The following NPEPL1 variants were observed in gnomAD, a reference collection of about 807,000 sequenced individuals.
NPEPL1 encodes the protein aminopeptidase like 1.
In NPEPL1, 45 loss-of-function variants were observed where a neutral mutation model predicts 52.4. The observed-to-expected ratio is 0.86, with a 90% CI of 0.68 to 1.10. NPEPL1 has a LOEUF of 1.10. Ranked by LOEUF, NPEPL1 falls within the 50% of genes least tolerant of loss-of-function variation. NPEPL1 has a pLI of 0.00. For synonymous variants in NPEPL1, 360 were observed against 314.7 expected (o/e 1.14, Z -1.52); for missense variants, 696 against 710.9 (o/e 0.98, Z 0.24).
chr20:58,712,327 C>T (rs989761567), intron 7 of NPEPL1, among the ~76,000 whole-genome samples, 152 bp from the exon 8 acceptor site: 4 of 152,144 alleles, frequency 2.6e-5, no homozygotes, highest in African/African-American at 4.8e-5. Flanking sequence ...GGACTGTACC[C>T]GGGATGGCAG....
At chr20:58,697,921 C>G (rs1311309176) in intron 3 of NPEPL1, among the ~76,000 whole-genome samples, 2 of 152,248 alleles carry the variant, frequency 1.3e-5, no homozygotes, top group African/African-American at 4.8e-5. Context: ...GCTCTGAAGC[C>G]CTGCCAGGCC....
At chr20:58,704,028 A>C (rs928113286) in intron 6 of NPEPL1, 10 of 985,374 alleles carry the variant, frequency 1.0e-5, no homozygotes, top group Non-Finnish European at 1.2e-5. Context: ...GAACCGTTCT[A>C]CGTGGATTTG....
At chr20:58,698,543 C>T (rs977251781) in intron 3 of NPEPL1, 141 bp from the exon 4 acceptor site, 2 of 731,064 alleles carry the variant, frequency 2.7e-6, no homozygotes, top group Non-Finnish European at 2.4e-6. Flanking sequence ...GAGCCATGGT[C>T]CCCCTCTCCC....
intron 3 of NPEPL1, among the ~76,000 whole-genome samples, chr20:58,695,067 AGTG>A (rs1455993818): frequency 8.4e-6 from 1 of 119,058 alleles, no homozygotes; most frequent in Non-Finnish European, 1.8e-5. Context: ...TGTGTGCATG[AGTG>A]GTGTGTGTGG....
chr20:58,707,501 T>A (rs931196328), intron 7 of NPEPL1, among the ~76,000 whole-genome samples: 1 of 152,224 alleles, frequency 6.6e-6, no homozygotes, highest in Non-Finnish European at 1.5e-5. Flanking sequence ...TAGACCCTCA[T>A]GGCATGTGGC....
At chr20:58,693,690 G>C (rs751539374) in intron 1 of NPEPL1, 47 bp from the exon 2 acceptor site, 2 of 1,540,380 alleles carry the variant, frequency 1.3e-6, no homozygotes, top group East Asian at 4.6e-5. Context: ...CCTGGCACGT[G>C]GCCGCTGTTT....
Position 58,698,496 on chromosome 20 carries a change from G to A in NPEPL1, c.508-188G>A, listed in dbSNP as rs145544851. Among the ~76,000 whole-genome samples, 5 of 152,236 alleles carry A rather than the reference G, an allele frequency of 3.3e-5. No homozygotes were observed. In the East Asian group the frequency reaches 7.8e-4, roughly 24 times the overall value. ...CTGAAGGTTCTTTCTACAGGTGGCC[G>A]GTGGCCCTGGGTTGCTGGGGGTGGG... On this transcript the variant is annotated intron_variant, in intron 3 of 11. Coordinates refer to ENST00000356091, the MANE Select transcript of NPEPL1 (RefSeq NM_024663.4).
At chr20:58,697,951 G>T (rs1415627456) in intron 3 of NPEPL1, among the ~76,000 whole-genome samples, 1 of 152,242 alleles carries the variant, frequency 6.6e-6, no homozygotes, top group Non-Finnish European at 1.5e-5. Flanking sequence ...CATGTTTTCA[G>T]TTCCTGGGTG....
intron 7 of NPEPL1, among the ~76,000 whole-genome samples, chr20:58,709,678 C>T (rs2084798537): frequency 6.6e-6 from 1 of 152,230 alleles, no homozygotes; most frequent in Non-Finnish European, 1.5e-5. Flanking sequence ...GACATGCCTC[C>T]AGAGGCAGTG....
At position 58,715,502 on chromosome 20, in the gene NPEPL1, G is replaced by A. The variant is rs551287764; in HGVS notation, c.*176G>A. On this transcript the variant is annotated 3_prime_UTR_variant, in exon 12 of 12. Transcript: ENST00000356091. The stretch of plus-strand genomic sequence containing the variant: ...CAGCTTAGGGTTTGGTGCGGGCCAC[G>A]GGGAGGGGACCGGGAAGCGCTGGGG... 94 of 633,342 alleles carry A rather than the reference G, an allele frequency of 1.5e-4. 1 individual carries two copies. The South Asian group carries it at 1.8e-3, about 12-fold the overall frequency. The allele number at this position is 633,342 out of a possible 1,614,324, so 39.2% of individuals were successfully genotyped here.
In NPEPL1 at chr20:58,714,186, TG is replaced by T. The variant is rs890632827; in HGVS notation, c.1302+97del. 1.3e-5 allele frequency: 19 copies of T among 1,429,224 alleles called. No homozygotes were observed. In the African/African-American group the frequency reaches 2.2e-4, roughly 17 times the overall value. 88.5% of individuals were successfully genotyped at this position (1,429,224 alleles called of 1,614,324 possible). On this transcript the variant is annotated intron_variant, in intron 10 of 11. Coordinates refer to ENST00000356091, the MANE Select transcript of NPEPL1 (RefSeq NM_024663.4). ...CAGGGTGCTGGTGCACCCAGGGAGC[TG>T]GGGCCCCCCAGAAGCAGCCACAGTG...
chr20:58,715,702 C>T lies in NPEPL1; in HGVS notation c.*376C>T. On this transcript the variant is annotated 3_prime_UTR_variant, in exon 12 of 12. Transcript: ENST00000356091. ...CAGGCTCTTACTCCAGCCGGGGCTGCCAGCGCATCCAGCCAGCCCAGCCCT... is the reference window on the plus strand; with the variant it reads ...CAGGCTCTTACTCCAGCCGGGGCTGTCAGCGCATCCAGCCAGCCCAGCCCT... The T allele has an allele frequency of 5.8e-6, 1 of 172,448 alleles. No homozygotes were observed. Among genetic ancestry groups the T allele is most frequent in the Non-Finnish European group, 1.2e-5 (1 of 81,950 alleles). The allele number at this position is 172,448 out of a possible 1,614,324, so 10.7% of individuals were successfully genotyped here.
At chr20:58,703,329 T>C (rs1362285633) in intron 6 of NPEPL1, 1 of 324,170 alleles carries the variant, frequency 3.1e-6, no homozygotes, top group African/African-American at 2.3e-5. Flanking sequence ...AGGAGGAATA[T>C]GTTATTGCTG....
intron 7 of NPEPL1, among the ~76,000 whole-genome samples, chr20:58,707,836 GGGAGGC>G (rs1285843778): frequency 6.6e-6 from 1 of 152,232 alleles, no homozygotes; most frequent in Non-Finnish European, 1.5e-5. Flanking sequence ...CCAGAACTTT[GGGAGGC>G]GGAGGCAGGA....
chr20:58,694,643 C>T, intron 3 of NPEPL1, 51 bp downstream of exon 3: 1 of 1,537,204 alleles, frequency 6.5e-7, no homozygotes, highest in Non-Finnish European at 8.8e-7. Context: ...CAAGATCGGG[C>T]AGGTGGGAGG....
intron 5 of NPEPL1, among the ~76,000 whole-genome samples, chr20:58,699,999 T>G (rs940516614): frequency 3.3e-5 from 5 of 152,224 alleles, no homozygotes; most frequent in African/African-American, 1.2e-4. Context: ...TGCAGTCATC[T>G]GAGGGCTTGC....
chr20:58,706,028 T>TA (rs1601120961), intron 6 of NPEPL1, among the ~76,000 whole-genome samples: 2 of 152,234 alleles, frequency 1.3e-5, no homozygotes, highest in Non-Finnish European at 2.9e-5. Context: ...AATGATTCAG[T>TA]AAATTTCATA....
upstream of NPEPL1, chr20:58,690,907 T>C (rs544794345): frequency 1.8e-4 from 90 of 507,662 alleles, no homozygotes; most frequent in Non-Finnish European, 9.1e-5. Flanking sequence ...GTTTGCAAAA[T>C]TCTATAGAGT....
At position 58,701,783 on chromosome 20, in the gene NPEPL1, G is replaced by A. The variant is rs1000580547; in HGVS notation, c.822+625G>A. Among the ~76,000 whole-genome samples the A allele has an allele frequency of 9.2e-5, 14 of 152,258 alleles. 1 individual carries two copies. Among genetic ancestry groups the A allele is most frequent in the African/African-American group, 2.4e-4 (10 of 41,558 alleles). ...CCAAAGGCACGTGACCCCCAAGAGCGAGGGGAATCTGGGCACGGCACAGAA... is the reference window on the plus strand; with the variant it reads ...CCAAAGGCACGTGACCCCCAAGAGCAAGGGGAATCTGGGCACGGCACAGAA... On this transcript the variant is annotated intron_variant, in intron 6 of 11. Transcript: ENST00000356091.
Sources: gnomAD v4.1 joint callset for allele counts (sites outside exome capture counted in the v4.1 genomes callset) on GRCh38, gnomAD v4.1.1 for gene constraint, MANE v1.5 for transcripts, NCBI Gene and HGNC (gene_info 2026-07-23, HGNC 2026-07-21) for gene names.